GFRA2: variants seen among roughly 807,000 people sequenced by gnomAD.
The protein encoded by GFRA2 is GDNF family receptor alpha 2, also known as GDNF family receptor alpha-2.
In GFRA2, 17 loss-of-function variants were observed where a neutral mutation model predicts 48.3. The ratio of observed to expected loss-of-function variants is 0.35; its 90% confidence interval spans 0.24 to 0.53. The LOEUF (loss-of-function observed/expected upper bound fraction) is 0.53, where lower values mean the gene tolerates loss of function less well. Ranked by LOEUF, GFRA2 falls within the 20% of genes least tolerant of loss-of-function variation. The pLI is 0.93. For synonymous variants in GFRA2, 305 were observed against 257.2 expected, an observed-to-expected ratio of 1.19 and a Z score of -1.78; for missense variants, 660 against 637.3, an observed-to-expected ratio of 1.04 and a Z score of -0.38.
At chr8:21,806,771 T>A (rs1807876576) in intron 1 of GFRA2, among the ~76,000 whole-genome samples, 1 of 152,210 alleles carries the variant, frequency 6.6e-6, no homozygotes, top group African/African-American at 2.4e-5. Context: ...CTGGCCTAAA[T>A]GTATTTTTGA....
rs538913059 is a variant in GFRA2 at position 21,737,475 on chromosome 8, T to C, written c.794+13113A>G. On this transcript the variant is annotated intron_variant, in intron 4 of 8. Coordinates refer to ENST00000524240, the MANE Select transcript of GFRA2 (RefSeq NM_001495.5). ...ATCAAGCAACACCTTTAGAGAACCC[T>C]GAGCTGGCTGGAATTGAGGACTGGT... 2.0e-5 allele frequency among the ~76,000 whole-genome samples: 3 copies of C among 152,208 alleles called. No individual in the cohort carries two copies. In the East Asian group the frequency reaches 5.8e-4, roughly 29 times the overall value.
chr8:21,766,028 T>C (rs1176517712), intron 3 of GFRA2, among the ~76,000 whole-genome samples: 1 of 152,114 alleles, frequency 6.6e-6, no homozygotes, highest in Non-Finnish European at 1.5e-5. Context: ...GAGTCATCTT[T>C]TCAAACACAT....
chr8:21,715,385 T>G (rs1199192064), intron 4 of GFRA2, among the ~76,000 whole-genome samples: 2 of 152,234 alleles, frequency 1.3e-5, no homozygotes, highest in African/African-American at 4.8e-5. Context: ...CTGGGCTCAC[T>G]GCAACCTCCG....
intron 3 of GFRA2, among the ~76,000 whole-genome samples, chr8:21,762,473 C>T (rs1805961624): frequency 6.6e-6 from 1 of 152,088 alleles, no homozygotes; most frequent in Non-Finnish European, 1.5e-5. Flanking sequence ...CTGAACTTTC[C>T]CCTCATTCCC....
rs141219320 is a variant in GFRA2 at position 21,691,840 on chromosome 8, G to C, written c.*1438C>G. ...CCCAGTGTCAAACCAGCTCCTAAGA[G>C]AGCTCCATCTACACACAATGTGGAC... is the stretch of plus-strand genomic sequence containing the variant. On this transcript the variant is annotated 3_prime_UTR_variant, in exon 9 of 9. Coordinates refer to ENST00000524240, the MANE Select transcript of GFRA2 (RefSeq NM_001495.5). 6.6e-6 allele frequency: 1 copy of C among 151,254 alleles called. No individual in the cohort carries two copies. The highest frequency in any genetic ancestry group is 2.4e-5 in the African/African-American group (1 of 40,984). The allele number at this position is 151,254 out of a possible 1,614,324, so 9.4% of individuals were successfully genotyped here.
chr8:21,769,472 C>T (rs1411681261), intron 3 of GFRA2, among the ~76,000 whole-genome samples: 1 of 152,224 alleles, frequency 6.6e-6, no homozygotes. Context: ...CGCTGCATGC[C>T]AGTGCTTGCA....
At chr8:21,809,053 G>C (rs1807927746) in intron 1 of GFRA2, among the ~76,000 whole-genome samples, 1 of 152,220 alleles carries the variant, frequency 6.6e-6, no homozygotes, top group Non-Finnish European at 1.5e-5. Context: ...CCATGTTTCA[G>C]AGTGGATAAG....
intron 4 of GFRA2, among the ~76,000 whole-genome samples, chr8:21,735,371 C>G (rs114192761): frequency 6.7e-6 from 1 of 150,164 alleles, no homozygotes; most frequent in African/African-American, 2.5e-5. Context: ...GAAACCAAGC[C>G]CCCCCCCAAT....
At chr8:21,752,744 T>C (rs1805360505) in intron 3 of GFRA2, among the ~76,000 whole-genome samples, 1 of 151,980 alleles carries the variant, frequency 6.6e-6, no homozygotes, top group Non-Finnish European at 1.5e-5. Context: ...CCCCAAAACC[T>C]GGGGCTTCCC....
At chr8:21,740,876 C>T (rs1393670586) in intron 4 of GFRA2, among the ~76,000 whole-genome samples, 2 of 152,198 alleles carry the variant, frequency 1.3e-5, no homozygotes, top group Non-Finnish European at 2.9e-5. Flanking sequence ...CATCCTTGAG[C>T]TCCTCCATCA....
intron 2 of GFRA2, among the ~76,000 whole-genome samples, chr8:21,796,112 A>T (rs1384391946): frequency 1.3e-5 from 2 of 152,200 alleles, no homozygotes; most frequent in Non-Finnish European, 2.9e-5. Context: ...TAAGCCTAAA[A>T]TATCCTAGCT....
In GFRA2 at chr8:21,691,961, A is replaced by G. The variant is rs972371695; in HGVS notation, c.*1317T>C. 2.0e-5 allele frequency: 3 copies of G among 152,662 alleles called. No individual in the cohort carries two copies. The highest frequency in any genetic ancestry group is 7.2e-5 in the African/African-American group (3 of 41,466). 9.5% of individuals were successfully genotyped at this position (152,662 alleles called of 1,614,324 possible). A position where few individuals can be genotyped will look rare whatever the true frequency, so the allele number is the denominator to read the frequency against. On this transcript the variant is annotated 3_prime_UTR_variant, in exon 9 of 9. Transcript: ENST00000524240. ...ACTGGGAGCTCCACTTACGCAGGTA[A>G]CACTGGACCAAGAACAAAATGGGGG...
chr8:21,784,171 C>T (rs1403931947), intron 1 of GFRA2: 49 of 395,936 alleles, frequency 1.2e-4, no homozygotes, highest in South Asian at 7.6e-4. Flanking sequence ...GGTAGGTGAA[C>T]GGCAGGGACA....
chr8:21,704,325 C>G (rs1353739822), intron 6 of GFRA2, among the ~76,000 whole-genome samples: 1 of 152,192 alleles, frequency 6.6e-6, no homozygotes, highest in Admixed American at 6.5e-5. Flanking sequence ...CTGTGCAGAC[C>G]CCCCGCCCAG....
rs756460073 is a variant in GFRA2 at position 21,794,722 on chromosome 8, C to T, written c.-35-6528G>A. ...CATGCATGAGCTTTTCCAGCCCCTACCTCCCTCCTACTGGCAAGTTGACCC... is the reference window on the plus strand; with the variant it reads ...CATGCATGAGCTTTTCCAGCCCCTATCTCCCTCCTACTGGCAAGTTGACCC... On this transcript the variant is annotated intron_variant, in intron 2 of 10. Coordinates refer to the GFRA2 transcript ENST00000517328. 1.3e-3 allele frequency among the ~76,000 whole-genome samples: 200 copies of T among 152,132 alleles called. 3 individuals carry two copies. Among genetic ancestry groups the T allele is most frequent in the Non-Finnish European group, 1.8e-4 (12 of 68,028 alleles).
intron 4 of GFRA2, among the ~76,000 whole-genome samples, chr8:21,716,622 T>G (rs1803349905): frequency 6.6e-6 from 1 of 152,176 alleles, no homozygotes; most frequent in African/African-American, 2.4e-5. Context: ...GCCTTGAGAT[T>G]GGGCTCCTCC....
In GFRA2 at chr8:21,712,734, C is replaced by G. The variant is rs1223174636; in HGVS notation, c.795-6693G>C. ...TGGGCACCATTGAGCACTGAGTGAA[C>G]GAGACTCCGTCTGCAATCACGGCAC... On this transcript the variant is annotated intron_variant, in intron 4 of 8. Coordinates refer to ENST00000524240, the MANE Select transcript of GFRA2 (RefSeq NM_001495.5). Among the ~76,000 whole-genome samples, 3 of 152,318 alleles carry G rather than the reference C, an allele frequency of 2.0e-5. No homozygotes were observed. The East Asian group carries it at 5.8e-4, about 29-fold the overall frequency.
chr8:21,799,738 G>T (rs1807739634), intron 2 of GFRA2, among the ~76,000 whole-genome samples: 1 of 152,156 alleles, frequency 6.6e-6, no homozygotes, highest in Non-Finnish European at 1.5e-5. Flanking sequence ...CAAAGGGGTT[G>T]CAGTCCTCAA....
chr8:21,705,849 C>T lies in GFRA2; in HGVS notation c.904+83G>A, dbSNP rs1585233000. The stretch of plus-strand genomic sequence containing the variant: ...GGCTCAGGCTGTCTCCCCCAGCTGG[C>T]CCTGAGCTGGGCTGCGGCCCCTGCC... On this transcript the variant is annotated intron_variant, in intron 5 of 8. Transcript: ENST00000524240. 4.6e-6 allele frequency: 4 copies of T among 877,330 alleles called. No homozygotes were observed. The Admixed American group carries it at 7.1e-5, about 16-fold the overall frequency. The allele number at this position is 877,330 out of a possible 1,614,324, so 54.3% of individuals were successfully genotyped here.
Sources: gnomAD v4.1 joint callset for allele counts (sites outside exome capture counted in the v4.1 genomes callset) on GRCh38, gnomAD v4.1.1 for gene constraint, MANE v1.5 for transcripts, NCBI Gene and HGNC (gene_info 2026-07-23, HGNC 2026-07-21) for gene names.